Variants in SCUBE1 observed in about 807,000 individuals in gnomAD.
The protein encoded by SCUBE1 is signal peptide, CUB and EGF-like domain-containing protein 1.
SCUBE1 carries 59 observed loss-of-function variants against 124.4 expected under a neutral mutation model. That is an observed-to-expected ratio of 0.47 (90% CI 0.38 to 0.59). The LOEUF is 0.59. SCUBE1 is among the 20% of genes least tolerant of loss of function. The pLI is 0.00. For synonymous variants in SCUBE1, 545 were observed against 550.9 expected (o/e 0.99, Z 0.15); for missense variants, 1,150 against 1,371.2 (o/e 0.84, Z 2.55).
At chr22:43,246,557 A>G (rs1274148114) in intron 6 of SCUBE1, among the ~76,000 whole-genome samples, 1 of 152,210 alleles carries the variant, frequency 6.6e-6, no homozygotes, top group South Asian at 2.1e-4. Flanking sequence ...CTGGAGGGGA[A>G]GGGGTGTAGG....
chr22:43,306,384 G>A (rs1036470857), intron 3 of SCUBE1, among the ~76,000 whole-genome samples: 1 of 152,186 alleles, frequency 6.6e-6, no homozygotes, highest in African/African-American at 2.4e-5. Flanking sequence ...GCAAGTGTCT[G>A]CAGCGAGTGT....
intron 4 of SCUBE1, among the ~76,000 whole-genome samples, chr22:43,277,243 G>A (rs1488111527): frequency 1.3e-5 from 2 of 152,146 alleles, no homozygotes; most frequent in Non-Finnish European, 2.9e-5. Context: ...CACTATGGCT[G>A]GTTCATGACA....
At chr22:43,209,096 C>CAG (rs1310567608) in intron 19 of SCUBE1, among the ~76,000 whole-genome samples, 7 of 152,208 alleles carry the variant, frequency 4.6e-5, no homozygotes, top group African/African-American at 1.7e-4. Context: ...TTTGGCTGCT[C>CAG]AGCTGCGTCA....
chr22:43,292,083 C>T (rs1328198977), intron 3 of SCUBE1, among the ~76,000 whole-genome samples: 1 of 152,190 alleles, frequency 6.6e-6, no homozygotes, highest in Non-Finnish European at 1.5e-5. Flanking sequence ...CGTCTCTTGA[C>T]TCAGCTCAGG....
At chr22:43,225,829 A>T (rs1450899460) in intron 10 of SCUBE1, among the ~76,000 whole-genome samples, 9 of 152,028 alleles carry the variant, frequency 5.9e-5, no homozygotes. Context: ...ACCCTCAATG[A>T]ACAACGCTTT....
At chr22:43,311,280 G>A (rs1357901953) in intron 3 of SCUBE1, among the ~76,000 whole-genome samples, 1 of 152,140 alleles carries the variant, frequency 6.6e-6, no homozygotes, top group Non-Finnish European at 1.5e-5. Flanking sequence ...CATAAGCAGG[G>A]AGATGTTGTA....
intron 3 of SCUBE1, among the ~76,000 whole-genome samples, chr22:43,311,105 T>C (rs1479435852): frequency 6.6e-6 from 1 of 152,238 alleles, no homozygotes; most frequent in Non-Finnish European, 1.5e-5. Flanking sequence ...TGGTTTCTTA[T>C]GCAGCAATAG....
chr22:43,281,540 TCACCCTCCTGTCACCTCCCCCTCAGC>T lies in SCUBE1; in HGVS notation c.484+9480_484+9505del, dbSNP rs1241818478. ...GCCACCCTCCTGTCACCTCCCTCAG[TCACCCTCCTGTCACCTCCCCCTCAGC>T]CACCCTCCTGTCACCTCCCTTCTCA... On this transcript the variant is annotated intron_variant, in intron 4 of 21. Transcript: ENST00000360835. 8.1e-4 allele frequency among the ~76,000 whole-genome samples: 33 copies of T among 40,768 alleles called. 1 individual carries two copies. The highest frequency in any genetic ancestry group is 4.4e-3 in the African/African-American group (30 of 6,864). 26.7% of individuals were successfully genotyped at this position (40,768 alleles called of 152,430 possible).
At position 43,209,999 on chromosome 22, in the gene SCUBE1, C is replaced by T. The variant is rs770040517; in HGVS notation, c.2581+44G>A. On this transcript the variant is annotated intron_variant, in intron 19 of 21. Transcript: ENST00000360835. Reference sequence around the variant, plus strand: ...AGAACCGCAGCGAGACGGGGGTGCACACGCAGCTGAGGCTGCCTCTGGTCC... The same window carrying T: ...AGAACCGCAGCGAGACGGGGGTGCATACGCAGCTGAGGCTGCCTCTGGTCC... 9.7e-6 allele frequency: 15 copies of T among 1,540,836 alleles called. No homozygotes were observed. The South Asian group carries it at 1.5e-4, about 15-fold the overall frequency.
At chr22:43,333,158 G>A (rs985438138) in intron 2 of SCUBE1, among the ~76,000 whole-genome samples, 1 of 152,230 alleles carries the variant, frequency 6.6e-6, no homozygotes, top group African/African-American at 2.4e-5. Context: ...CACGGGGACT[G>A]CCTCAACGCC....
intron 2 of SCUBE1, among the ~76,000 whole-genome samples, chr22:43,325,919 T>C (rs1015143106): frequency 6.6e-6 from 1 of 151,414 alleles, no homozygotes; most frequent in Admixed American, 6.6e-5. Context: ...TTGGAACCCA[T>C]ATAGGGTGAG....
intron 1 of SCUBE1, 82 bp downstream of exon 1, chr22:43,343,092 C>T (rs922127570): frequency 6.2e-6 from 4 of 643,720 alleles, no homozygotes; most frequent in African/African-American, 5.9e-5. Context: ...TCGGGATCCG[C>T]GGGGAAGAAG....
rs1281356916 is a variant in SCUBE1, at chr22:43,234,164, G to C, written c.845-2289C>G. ...ATCATTCCTTCCCCCCGAGCCCCGG[G>C]ATTATAGGCAGATGGGGAATTTCTA... On this transcript the variant is annotated intron_variant, in intron 7 of 21. Transcript: ENST00000360835. The surrounding 1 kb of genome is among the most constrained non-coding windows in gnomAD (Gnocchi z 4.4). Among the ~76,000 whole-genome samples the C allele has an allele frequency of 1.3e-5, 2 of 152,100 alleles. No homozygotes were observed. Among genetic ancestry groups the C allele is most frequent in the South Asian group, 4.2e-4 (2 of 4,812 alleles).
chr22:43,274,682 A>G (rs993681867), intron 4 of SCUBE1, among the ~76,000 whole-genome samples: 1 of 152,220 alleles, frequency 6.6e-6, no homozygotes, highest in African/African-American at 2.4e-5. Flanking sequence ...ACACACGAAC[A>G]GGAGGATCTG....
chr22:43,315,528 G>A (rs1926313962), intron 3 of SCUBE1, among the ~76,000 whole-genome samples: 1 of 152,168 alleles, frequency 6.6e-6, no homozygotes, highest in South Asian at 2.1e-4. Flanking sequence ...CTAGCTTGAG[G>A]TCACATGGTC....
intron 3 of SCUBE1, among the ~76,000 whole-genome samples, chr22:43,292,556 A>ACACACACACACAC (rs1925402162): frequency 1.0e-4 from 14 of 139,676 alleles, no homozygotes; most frequent in South Asian, 5.0e-4. Context: ...CCCGGTCCCT[A>ACACACACACACAC]ACACACACAC....
intron 4 of SCUBE1, among the ~76,000 whole-genome samples, chr22:43,277,098 C>T (rs1025177135): frequency 6.6e-6 from 1 of 151,848 alleles, no homozygotes; most frequent in Non-Finnish European, 1.5e-5. Flanking sequence ...GGCAGGGATG[C>T]GTAGGTTCCA....
intron 4 of SCUBE1, among the ~76,000 whole-genome samples, chr22:43,284,958 G>A (rs988269619): frequency 6.6e-6 from 1 of 152,052 alleles, no homozygotes; most frequent in Non-Finnish European, 1.5e-5. Flanking sequence ...AGGGCAATGC[G>A]GTTTCCTACA....
At chr22:43,273,702 A>G (rs1421923350) in intron 4 of SCUBE1, among the ~76,000 whole-genome samples, 2 of 150,592 alleles carry the variant, frequency 1.3e-5, no homozygotes, top group Non-Finnish European at 2.9e-5. Flanking sequence ...CCTCTGGAGT[A>G]GCTGTGACTA....
Sources: gnomAD v4.1 joint callset for allele counts (sites outside exome capture counted in the v4.1 genomes callset) on GRCh38, gnomAD v4.1.1 for gene constraint, Gnocchi (gnomAD v3.1) non-coding constraint, MANE v1.5 for transcripts, NCBI Gene and HGNC (gene_info 2026-07-23, HGNC 2026-07-21) for gene names.